Variants in HSPG2 observed in about 807,000 individuals in gnomAD.
HSPG2 encodes heparan sulfate proteoglycan 2.
HSPG2 carries 278 observed loss-of-function variants against 526.6 expected under a neutral mutation model. That is an observed-to-expected ratio of 0.53 (90% confidence interval 0.48 to 0.58). The LOEUF (loss-of-function observed/expected upper bound fraction) is 0.58. HSPG2 is among the 20% of genes least tolerant of loss of function. HSPG2 has a pLI of 0.00. For synonymous variants in HSPG2, 2,465 were observed against 2,555.4 expected, an observed-to-expected ratio of 0.96 and a Z score of 1.07; for missense variants, 5,354 against 6,099.5, an observed-to-expected ratio of 0.88 and a Z score of 4.07.
Position 21,822,323 on chromosome 1 carries a change from C to T in HSPG2, c.*993G>A, listed in dbSNP as rs1015262929. The T allele has an allele frequency of 9.7e-6, 11 of 1,134,780 alleles. No homozygotes were observed. The highest frequency in any genetic ancestry group is 8.9e-5 in the South Asian group (7 of 78,780). The allele number at this position is 1,134,780 out of a possible 1,614,324, so 70.3% of individuals were successfully genotyped here. On this transcript the variant is annotated 3_prime_UTR_variant, in exon 97 of 97. Coordinates refer to ENST00000374695, the MANE Select transcript of HSPG2 (RefSeq NM_005529.7). The stretch of plus-strand genomic sequence containing the variant: ...TCCCTTCTAGGACACAGAGGCCAGG[C>T]GTCCCAACCCCACAGTCTGGGGGCC...
Position 21,885,429 on chromosome 1 carries a change from C to T in HSPG2, c.1101G>A (p.Val367=), listed in dbSNP as rs1641817786. 13 of 1,613,970 alleles carry T rather than the reference C, an allele frequency of 8.1e-6. No individual in the cohort carries two copies. The East Asian group carries it at 2.7e-4, about 33-fold the overall frequency. ...ANCPTKRPEE[V]CGPTQFRCVS... is the part of the protein sequence containing the mutation. ...CGCATCGGAACTGTGTGGGCCCGCA[C>T]ACTTCCTCAGGACGCTTGGTGGCTG... Residue 367 remains valine (V), a synonymous_variant, in exon 10 of 97, where the codon GTG becomes GTA. Transcript: ENST00000374695.
Position 21,823,921 on chromosome 1 carries a change from C to T in HSPG2, c.12899+200G>A, listed in dbSNP as rs529417234. The T allele has an allele frequency of 8.5e-5, 62 of 732,216 alleles. 1 individual carries two copies. In the South Asian group the frequency reaches 9.9e-4, roughly 12 times the overall value. The allele number at this position is 732,216 out of a possible 1,614,324, so 45.4% of individuals were successfully genotyped here. On this transcript the variant is annotated intron_variant, in intron 95 of 96. Transcript: ENST00000374695. Reference sequence around the variant, plus strand: ...ATTTCTGCACCCAGGTTTCCTCCCACTCCTGGGGCACTCGCCTGCCCCCAG... The same window carrying T: ...ATTTCTGCACCCAGGTTTCCTCCCATTCCTGGGGCACTCGCCTGCCCCCAG...
rs762162014 is a variant in HSPG2, at chr1:21,854,727, A to G, written c.6172T>C (p.Ser2058Pro). ...ASPPPVKIES[S>P]SPSVTEGQTL... ...TGCCCTTCTGTCACAGAAGGCGATG[A>G]GGACTCAATCTTGACCGGCGGTGGG... Residue 2058 changes from serine (S) to proline (P), a missense_variant, in exon 49 of 97, where the codon TCA becomes CCA. Physicochemically the swap from Ser to Pro is moderately conservative, Grantham distance 74. Coordinates refer to ENST00000374695, the MANE Select transcript of HSPG2 (RefSeq NM_005529.7). 12 of 1,613,648 alleles carry G rather than the reference A, an allele frequency of 7.4e-6. No homozygotes were observed. Among genetic ancestry groups the G allele is most frequent in the Non-Finnish European group, 1.0e-5 (12 of 1,179,848 alleles).
chr1:21,919,960 G>A (rs1344113852), intron 1 of HSPG2, among the ~76,000 whole-genome samples: 2 of 152,204 alleles, frequency 1.3e-5, no homozygotes, highest in Non-Finnish European at 2.9e-5. Flanking sequence ...AGGCTGGAGT[G>A]CAGTGGCACA....
At chr1:21,920,117 G>A (rs889397327) in intron 1 of HSPG2, among the ~76,000 whole-genome samples, 2 of 152,212 alleles carry the variant, frequency 1.3e-5, no homozygotes, top group African/African-American at 4.8e-5. Context: ...ATGTTGGCCA[G>A]GCTGGTCTCG....
In HSPG2 at chr1:21,876,216, A is replaced by G. The variant is rs770575893; in HGVS notation, c.3003+13T>C. 6.3e-7 allele frequency: 1 copy of G among 1,596,558 alleles called. No individual in the cohort carries two copies. Among genetic ancestry groups the G allele is most frequent in the South Asian group, 1.1e-5 (1 of 88,790 alleles). On this transcript the variant is annotated intron_variant, in intron 23 of 96. Transcript: ENST00000374695. ...TGCCTGGAGTTTCCTTTGCCTTTCC[A>G]CCCACTACCCACCTTGTCCCCCAGG...
chr1:21,831,282 A>G lies in HSPG2; in HGVS notation c.11495T>C (p.Phe3832Ser), dbSNP rs781117677. 2 of 1,614,030 alleles carry G rather than the reference A, an allele frequency of 1.2e-6. No individual in the cohort carries two copies. Among genetic ancestry groups the G allele is most frequent in the Non-Finnish European group, 1.7e-6 (2 of 1,179,980 alleles). ...ELRIQGEEIVFHDLNLTAHGI... is the reference protein window; with the variant it reads ...ELRIQGEEIVSHDLNLTAHGI... ...GTGCGCCGTGAGGTTGAGGTCATGG[A>G]AGACGATCTCCTCGCCCTGGATGCG... is the stretch of plus-strand genomic sequence containing the variant. The change falls in exon 84 of 97, where the codon TTC becomes TCC. Residue 3832 changes from phenylalanine (F) to serine (S), a missense_variant. Transcript: ENST00000374695.
chr1:21,857,075 C>G lies in HSPG2; in HGVS notation c.5515G>C (p.Val1839Leu). The change falls in exon 44 of 97, where the codon GTG becomes CTG. Residue 1839 changes from valine (V) to leucine (L), a missense_variant. Coordinates refer to ENST00000374695, the MANE Select transcript of HSPG2 (RefSeq NM_005529.7). ...NVQLSDAGTY[V>L]CTGSNMFAMD... ...GCAAACATGTTGGAGCCGGTGCACA[C>G]GTAGGTGCCTGCATCACTCAGCTGG... 1 of 1,614,162 alleles carries G rather than the reference C, an allele frequency of 6.2e-7. No individual in the cohort carries two copies. Among genetic ancestry groups the G allele is most frequent in the Admixed American group, 1.7e-5 (1 of 60,020 alleles).
chr1:21,913,732 T>C (rs2152790394), intron 1 of HSPG2, among the ~76,000 whole-genome samples: 1 of 152,312 alleles, frequency 6.6e-6, no homozygotes, highest in South Asian at 2.1e-4. Flanking sequence ...CCCCAAAAGA[T>C]TGAGAGCTAC....
At chr1:21,926,067 C>T (rs1033712142) in intron 1 of HSPG2, among the ~76,000 whole-genome samples, 2 of 152,016 alleles carry the variant, frequency 1.3e-5, no homozygotes, top group Non-Finnish European at 2.9e-5. Context: ...TAGCCTCAAG[C>T]AATCTGCCCT....
intron 1 of HSPG2, among the ~76,000 whole-genome samples, chr1:21,933,003 G>A (rs892364041): frequency 2.0e-5 from 3 of 152,178 alleles, no homozygotes; most frequent in African/African-American, 7.2e-5. Flanking sequence ...TGGATCATTT[G>A]AGCCCAGGAG....
At chr1:21,924,119 C>T (rs904628408) in intron 1 of HSPG2, among the ~76,000 whole-genome samples, 4 of 152,182 alleles carry the variant, frequency 2.6e-5, no homozygotes, top group African/African-American at 9.7e-5. Flanking sequence ...GGGGCCATCT[C>T]CTTCATCTGC....
rs191457210 is a variant in HSPG2 at position 21,923,828 on chromosome 1, G to A, written c.63+13327C>T. Reference sequence around the variant, plus strand: ...GATCCAACACAAGGCCTCGCATACCGCTGTCACTCCGAGAATGTTTGCCGA... The same window carrying A: ...GATCCAACACAAGGCCTCGCATACCACTGTCACTCCGAGAATGTTTGCCGA... On this transcript the variant is annotated intron_variant, in intron 1 of 96. Transcript: ENST00000374695. Among the ~76,000 whole-genome samples, 322 of 152,262 alleles carry A rather than the reference G, an allele frequency of 2.1e-3. 2 individuals are homozygous for A. The highest frequency in any genetic ancestry group is 0.014 in the Middle Eastern group (4 of 294).
At chr1:21,830,179 C>T (rs1254803571) in intron 85 of HSPG2, 88 bp from the exon 86 acceptor site, 17 of 1,096,012 alleles carry the variant, frequency 1.6e-5, no homozygotes, top group Non-Finnish European at 2.1e-5. Flanking sequence ...CATCACACCC[C>T]GGGGGGCTGG....
At chr1:21,829,862 G>T in intron 86 of HSPG2, 131 bp downstream of exon 86, 1 of 867,118 alleles carries the variant, frequency 1.2e-6, no homozygotes, top group Non-Finnish European at 1.9e-6. Flanking sequence ...CATGTGGCCA[G>T]GTGACTTCGA....
intron 1 of HSPG2, among the ~76,000 whole-genome samples, chr1:21,914,204 A>G (rs1000864486): frequency 5.3e-5 from 8 of 152,282 alleles, no homozygotes; most frequent in African/African-American, 1.7e-4. Flanking sequence ...TAATACCCCA[A>G]ATATACATGT....
chr1:21,847,294 T>C lies in HSPG2; in HGVS notation c.8164+60A>G. 6.2e-7 allele frequency: 1 copy of C among 1,604,416 alleles called. No homozygotes were observed. Among genetic ancestry groups the C allele is most frequent in the Non-Finnish European group, 8.5e-7 (1 of 1,172,522 alleles). ...GGTCTGAGGACTCTGACCTGAAAGT[T>C]CCTTCTCCCCAGGGAACACTGTTGC... On this transcript the variant is annotated intron_variant, in intron 62 of 96. Coordinates refer to ENST00000374695, the MANE Select transcript of HSPG2 (RefSeq NM_005529.7). This position sits in a 1 kb window ranked among gnomAD's most constrained non-coding sequence, Gnocchi z 4.1.
At position 21,823,243 on chromosome 1, in the gene HSPG2, ATAT is replaced by A. The variant is rs2097956585; in HGVS notation, c.*70_*72del. 1 of 1,284,684 alleles carries A rather than the reference ATAT, an allele frequency of 7.8e-7. No homozygotes were observed. Among genetic ancestry groups the A allele is most frequent in the East Asian group, 2.7e-5 (1 of 37,704 alleles). 79.6% of individuals were successfully genotyped at this position (1,284,684 alleles called of 1,614,324 possible). The stretch of plus-strand genomic sequence containing the variant: ...CGGTTTCTTACAAAAATTCATAATA[ATAT>A]TAATAATAATATACTCGACATTGTC... On this transcript the variant is annotated 3_prime_UTR_variant, in exon 97 of 97. Coordinates refer to ENST00000374695, the MANE Select transcript of HSPG2 (RefSeq NM_005529.7).
chr1:21,851,265 G>A, intron 55 of HSPG2: 1 of 496,230 alleles, frequency 2.0e-6, no homozygotes, highest in Admixed American at 3.3e-5. Flanking sequence ...AAGCCACCGT[G>A]CCCGGCTGGT....
Sources: allele counts gnomAD v4.1 joint callset (sites outside exome capture counted in the v4.1 genomes callset), GRCh38; gene constraint gnomAD v4.1.1; non-coding constraint Gnocchi (gnomAD v3.1); transcripts MANE v1.5; gene names NCBI Gene and HGNC (gene_info 2026-07-23, HGNC 2026-07-21).